ATXN10: variants seen among roughly 807,000 people sequenced by gnomAD.
The protein encoded by ATXN10 is ataxin-10.
Under a neutral mutation model 52.9 loss-of-function variants are expected in ATXN10, and 28 were observed. The observed-to-expected ratio is 0.53, with a 90% CI of 0.39 to 0.73. The LOEUF (loss-of-function observed/expected upper bound fraction) is 0.73, where lower values mean the gene tolerates loss of function less well. Ranked by LOEUF, ATXN10 falls within the 30% of genes least tolerant of loss-of-function variation. The probability of loss-of-function intolerance (pLI) is 0.00; values close to 1 mark genes in which losing one functional copy is unlikely to be tolerated. For synonymous variants in ATXN10, 226 were observed against 221.5 expected (o/e 1.02, Z -0.18); for missense variants, 565 against 577.0 (o/e 0.98, Z 0.21).
In ATXN10 at chr22:45,738,794, C is replaced by T. The variant is rs1925399492; in HGVS notation, c.958C>T (p.Leu320Phe). 10 of 1,614,152 alleles carry T rather than the reference C, an allele frequency of 6.2e-6. No individual in the cohort carries two copies. Among genetic ancestry groups the T allele is most frequent in the Non-Finnish European group, 8.5e-6 (10 of 1,180,000 alleles). ...CGAAATGACTGTGAATACTGAGCTG[C>T]TCGGCTATCTGCAGGTTTTCCCTGG... is the stretch of plus-strand genomic sequence containing the variant. ...LCEMTVNTEL[L>F]GYLQVFPGLL... is the part of the protein sequence containing the mutation. Residue 320 changes from leucine to phenylalanine, a missense_variant, in exon 8 of 12, where the codon CTC (leucine) becomes TTC (phenylalanine). Coordinates refer to ENST00000252934, the MANE Select transcript of ATXN10 (RefSeq NM_013236.4).
In ATXN10 at chr22:45,841,268, C is replaced by CA. The variant is rs1799763065; in HGVS notation, c.1238-1722dup. Among the ~76,000 whole-genome samples, 1 of 152,248 alleles carries CA rather than the reference C, an allele frequency of 6.6e-6. No individual in the cohort carries two copies. Among genetic ancestry groups the CA allele is most frequent in the Non-Finnish European group, 1.5e-5 (1 of 68,046 alleles). On this transcript the variant is annotated intron_variant, in intron 10 of 11. Transcript: ENST00000252934. The surrounding 1 kb of genome is among the most constrained non-coding windows in gnomAD (Gnocchi z 5.1). ...ATAAGAACTTTTTCCCCACCATAGA[C>CA]AGATGACTGATTATAGAACCAGCAT...
In ATXN10 at chr22:45,705,988, C is replaced by G. The variant is rs1173528695; in HGVS notation, c.647+3141C>G. The stretch of plus-strand genomic sequence containing the variant: ...CATTCGATTCTCTTAGGAGCACAAA[C>G]CCTGTTGTGAACTGCGCATGCGAGG... On this transcript the variant is annotated intron_variant, in intron 5 of 11. Coordinates refer to ENST00000252934, the MANE Select transcript of ATXN10 (RefSeq NM_013236.4). The surrounding 1 kb of genome is among the most constrained non-coding windows in gnomAD (Gnocchi z 5.2). 6.6e-6 allele frequency among the ~76,000 whole-genome samples: 1 copy of G among 152,170 alleles called. No individual in the cohort carries two copies. The highest frequency in any genetic ancestry group is 1.5e-5 in the Non-Finnish European group (1 of 68,024).
Position 45,775,400 on chromosome 22 carries a change from G to T in ATXN10, c.1174-31559G>T, listed in dbSNP as rs888172450. On this transcript the variant is annotated intron_variant, in intron 9 of 11. Coordinates refer to ENST00000252934, the MANE Select transcript of ATXN10 (RefSeq NM_013236.4). This position sits in a 1 kb window ranked among gnomAD's most constrained non-coding sequence, Gnocchi z 4.7. ...AGACAAGTTGGAAAACACAAACATT[G>T]TGAGGGTTTGTAGAACGGGTGGGTG... 6.6e-6 allele frequency among the ~76,000 whole-genome samples: 1 copy of T among 152,226 alleles called. No individual in the cohort carries two copies. Among genetic ancestry groups the T allele is most frequent in the Non-Finnish European group, 1.5e-5 (1 of 68,038 alleles).
In ATXN10 at chr22:45,759,032, T is replaced by A. The variant is rs1898530704; in HGVS notation, c.1173+18494T>A. 1.3e-5 allele frequency among the ~76,000 whole-genome samples: 2 copies of A among 152,236 alleles called. No individual in the cohort carries two copies. The highest frequency in any genetic ancestry group is 2.9e-5 in the Non-Finnish European group (2 of 68,044). ...TTATTCTTACTTAGAAGTACCATTCTTATTTAAAGGCAGTATATCTCATAT... is the reference window on the plus strand; with the variant it reads ...TTATTCTTACTTAGAAGTACCATTCATATTTAAAGGCAGTATATCTCATAT... On this transcript the variant is annotated intron_variant, in intron 9 of 11. Transcript: ENST00000252934. The surrounding 1 kb of genome is among the most constrained non-coding windows in gnomAD (Gnocchi z 5.4).
rs534958731 is a variant in ATXN10, at chr22:45,818,239, C to T, written c.1237+11217C>T. 4.6e-5 allele frequency among the ~76,000 whole-genome samples: 7 copies of T among 152,252 alleles called. No homozygotes were observed. The South Asian group carries it at 1.0e-3, about 23-fold the overall frequency. ...AGCACACTGGGAGTTTTACAGTGTA[C>T]GGATTGGCAGACAGCCTGGCTTCTT... On this transcript the variant is annotated intron_variant, in intron 10 of 11. Transcript: ENST00000252934. This position sits in a 1 kb window ranked among gnomAD's most constrained non-coding sequence, Gnocchi z 4.6.
At chr22:45,755,769 G>A (rs1926151276) in intron 9 of ATXN10, among the ~76,000 whole-genome samples, 1 of 152,108 alleles carries the variant, frequency 6.6e-6, no homozygotes, top group South Asian at 2.1e-4. Flanking sequence ...ATTTTATAGT[G>A]CTCACTGTGT....
At position 45,823,772 on chromosome 22, in the gene ATXN10, A is replaced by T. The variant is rs151067481; in HGVS notation, c.1237+16750A>T. Among the ~76,000 whole-genome samples, 8 of 152,300 alleles carry T rather than the reference A, an allele frequency of 5.3e-5. No individual in the cohort carries two copies. The East Asian group carries it at 1.5e-3, about 29-fold the overall frequency. On this transcript the variant is annotated intron_variant, in intron 10 of 11. Transcript: ENST00000252934. The surrounding 1 kb of genome is among the most constrained non-coding windows in gnomAD (Gnocchi z 4.9). The stretch of plus-strand genomic sequence containing the variant: ...GAGTAGCTGGCATGTTATGTGCTGC[A>T]CACTGTTCTAGCTGCCAGGGATACA...
At chr22:45,739,565 A>G (rs1925429252) in intron 8 of ATXN10, among the ~76,000 whole-genome samples, 2 of 152,198 alleles carry the variant, frequency 1.3e-5, no homozygotes, top group Non-Finnish European at 2.9e-5. Context: ...CATTGCTTTT[A>G]GTGATAATTT....
chr22:45,843,380 G>A lies in ATXN10; in HGVS notation c.1425+202G>A, dbSNP rs1929412427. On this transcript the variant is annotated intron_variant, in intron 11 of 11. Coordinates refer to ENST00000252934, the MANE Select transcript of ATXN10 (RefSeq NM_013236.4). The surrounding 1 kb of genome is among the most constrained non-coding windows in gnomAD (Gnocchi z 4.5). The stretch of plus-strand genomic sequence containing the variant: ...TTTATGCTGCCATTTTCTTAAAAGA[G>A]GGACAATTTCAAACTCATTCTGGGT... Among the ~76,000 whole-genome samples, 1 of 152,134 alleles carries A rather than the reference G, an allele frequency of 6.6e-6. No homozygotes were observed. Among genetic ancestry groups the A allele is most frequent in the Admixed American group, 6.5e-5 (1 of 15,280 alleles).
At chr22:45,674,263 G>C (rs753757029) in intron 1 of ATXN10, 8 of 152,238 alleles carry the variant, frequency 5.3e-5, no homozygotes, top group Admixed American at 2.6e-4. Context: ...TGGATTGTGG[G>C]GGGGAGAATG....
Position 45,825,798 on chromosome 22 carries a change from GC to G in ATXN10, c.1238-17190del, listed in dbSNP as rs1928795172. ...AATCAATAAAACAATATATGGACAA[GC>G]CCAGGTGCAGTGGCTGACACCAGTA... On this transcript the variant is annotated intron_variant, in intron 10 of 11. Coordinates refer to ENST00000252934, the MANE Select transcript of ATXN10 (RefSeq NM_013236.4). The surrounding 1 kb of genome is among the most constrained non-coding windows in gnomAD (Gnocchi z 4.5). Among the ~76,000 whole-genome samples the G allele has an allele frequency of 6.6e-6, 1 of 152,184 alleles. No homozygotes were observed. Among genetic ancestry groups the G allele is most frequent in the Non-Finnish European group, 1.5e-5 (1 of 68,036 alleles).
At chr22:45,815,107 T>C (rs1337772626) in intron 10 of ATXN10, among the ~76,000 whole-genome samples, 2 of 152,166 alleles carry the variant, frequency 1.3e-5, no homozygotes, top group Non-Finnish European at 2.9e-5. Flanking sequence ...AGTAGTGGAA[T>C]AGGTAGTTAA....
chr22:45,823,649 G>T lies in ATXN10; in HGVS notation c.1237+16627G>T, dbSNP rs1188259684. On this transcript the variant is annotated intron_variant, in intron 10 of 11. Transcript: ENST00000252934. This position sits in a 1 kb window ranked among gnomAD's most constrained non-coding sequence, Gnocchi z 4.9. ...GTATCCGGTAGGGCCAATTTTGAAT[G>T]TTAACCAACTTTTCATATATTATCC... Among the ~76,000 whole-genome samples, 3 of 152,180 alleles carry T rather than the reference G, an allele frequency of 2.0e-5. No homozygotes were observed. Among genetic ancestry groups the T allele is most frequent in the Non-Finnish European group, 2.9e-5 (2 of 68,026 alleles).
chr22:45,834,361 A>G (rs929630074), intron 10 of ATXN10, among the ~76,000 whole-genome samples: 1 of 152,108 alleles, frequency 6.6e-6, no homozygotes, highest in Admixed American at 6.5e-5. Context: ...CTGGGTTTCC[A>G]TTGACTCCCA....
At chr22:45,765,813 CTTACA>C (rs1485719622) in intron 9 of ATXN10, among the ~76,000 whole-genome samples, 1 of 152,126 alleles carries the variant, frequency 6.6e-6, no homozygotes, top group Non-Finnish European at 1.5e-5. Context: ...GGCATTTCTC[CTTACA>C]TTAATTTACA....
Position 45,837,094 on chromosome 22 carries a change from C to T in ATXN10, c.1238-5897C>T, listed in dbSNP as rs1422338676. Among the ~76,000 whole-genome samples the T allele has an allele frequency of 2.6e-5, 4 of 151,820 alleles. No individual in the cohort carries two copies. The highest frequency in any genetic ancestry group is 1.9e-4 in the East Asian group (1 of 5,172). ...AGTTTTAAAATATATGTCCTGGATG[C>T]GAAAACAATGCAGATATTACATATA... On this transcript the variant is annotated intron_variant, in intron 10 of 11. Coordinates refer to ENST00000252934, the MANE Select transcript of ATXN10 (RefSeq NM_013236.4). The surrounding 1 kb of genome is among the most constrained non-coding windows in gnomAD (Gnocchi z 5.8).
chr22:45,673,474 C>A (rs932096059), intron 1 of ATXN10: 1 of 152,150 alleles, frequency 6.6e-6, no homozygotes, highest in Non-Finnish European at 1.5e-5. Flanking sequence ...CTCTATGGGC[C>A]TTTGGGGGAG....
Position 45,737,131 on chromosome 22 carries a change from A to G in ATXN10, c.895-1600A>G, listed in dbSNP as rs561533412. 2.6e-5 allele frequency among the ~76,000 whole-genome samples: 4 copies of G among 152,300 alleles called. No homozygotes were observed. The East Asian group carries it at 7.7e-4, about 29-fold the overall frequency. On this transcript the variant is annotated intron_variant, in intron 7 of 11. Transcript: ENST00000252934. ...ATTTTCATTATGAAGCCATAGCTGT[A>G]AAACCGCTTGATTTGTTTTCAGTCC...
intron 6 of ATXN10, among the ~76,000 whole-genome samples, chr22:45,721,283 C>T (rs1229171186): frequency 2.6e-5 from 4 of 152,106 alleles, no homozygotes; most frequent in Admixed American, 2.6e-4. Flanking sequence ...TCGTGGTAAA[C>T]AGCTTGTGTA....
Sources: gnomAD v4.1 joint callset for allele counts (sites outside exome capture counted in the v4.1 genomes callset) on GRCh38, gnomAD v4.1.1 for gene constraint, Gnocchi (gnomAD v3.1) non-coding constraint, MANE v1.5 for transcripts, NCBI Gene and HGNC (gene_info 2026-07-23, HGNC 2026-07-21) for gene names.